Variants in ZNF609 observed in about 807,000 individuals in gnomAD.
ZNF609 encodes the protein zinc finger protein 609.
ZNF609 carries 11 observed loss-of-function variants against 109.5 expected under a neutral mutation model. The ratio of observed to expected loss-of-function variants is 0.10; its 90% CI spans 0.06 to 0.17. The LOEUF (loss-of-function observed/expected upper bound fraction) is 0.17, where lower values mean the gene tolerates loss of function less well. Ranked by LOEUF, ZNF609 falls within the 10% of genes least tolerant of loss-of-function variation. The probability of loss-of-function intolerance (pLI) is 1.00; values close to 1 mark genes in which losing one functional copy is unlikely to be tolerated. For missense variants in ZNF609, 1,559 were observed against 1,772.4 expected (o/e 0.88, Z 2.16); for synonymous variants, 646 against 662.0 (o/e 0.98, Z 0.37).
intron 3 of ZNF609, among the ~76,000 whole-genome samples, chr15:64,641,219 C>CTTTTTTTTTTTT (rs34007985): frequency 0.15 from 10,164 of 69,326 alleles, 1,142 homozygotes; most frequent in East Asian, 0.2. Context: ...CTTGTGCTTT[C>CTTTTTTTTTTTT]TTTTTTTTTT....
At chr15:64,621,192 G>A (rs567996177) in intron 2 of ZNF609, among the ~76,000 whole-genome samples, 6 of 152,232 alleles carry the variant, frequency 3.9e-5, no homozygotes, top group South Asian at 4.2e-4. Flanking sequence ...CTTAATCTTC[G>A]GAGGAAATAA....
At chr15:64,485,855 G>A (rs1327874427) in intron 1 of ZNF609, among the ~76,000 whole-genome samples, 2 of 152,152 alleles carry the variant, frequency 1.3e-5, no homozygotes, top group Non-Finnish European at 2.9e-5. Context: ...GTTTCCTCCA[G>A]TGGTAACATC....
chr15:64,609,856 C>T (rs1226039033), intron 2 of ZNF609, among the ~76,000 whole-genome samples: 8 of 150,980 alleles, frequency 5.3e-5, no homozygotes, highest in East Asian at 2.0e-4. Flanking sequence ...GGTAAAACCT[C>T]GTCTCTACTA....
intron 1 of ZNF609, among the ~76,000 whole-genome samples, chr15:64,484,155 A>C (rs530363307): frequency 3.9e-5 from 6 of 151,978 alleles, no homozygotes; most frequent in African/African-American, 1.4e-4. Context: ...TTGACATTTT[A>C]ATAAATGTTT....
chr15:64,633,105 T>G (rs537427351), intron 3 of ZNF609, among the ~76,000 whole-genome samples: 114 of 145,564 alleles, frequency 7.8e-4, no homozygotes, highest in Middle Eastern at 3.6e-3. Flanking sequence ...TATTGTTTTG[T>G]TTTTTTTTTT....
At chr15:64,546,685 G>A (rs557323082) in intron 2 of ZNF609, among the ~76,000 whole-genome samples, 97 of 151,714 alleles carry the variant, frequency 6.4e-4, no homozygotes, top group African/African-American at 2.3e-3. Context: ...CATTGCCTAA[G>A]CTGTTCTTGA....
chr15:64,580,042 GC>G (rs2073370429), intron 2 of ZNF609, among the ~76,000 whole-genome samples: 1 of 152,166 alleles, frequency 6.6e-6, no homozygotes, highest in African/African-American at 2.4e-5. Context: ...GGGGGGATTA[GC>G]TTAGATTATC....
chr15:64,675,157 T>C lies in ZNF609; in HGVS notation c.2303T>C (p.Met768Thr), dbSNP rs558567510. 1.5e-5 allele frequency: 25 copies of C among 1,613,958 alleles called. No homozygotes were observed. In the African/African-American group the frequency reaches 3.1e-4, roughly 20 times the overall value. The change falls in exon 5 of 10, where the codon ATG (methionine) becomes ACG (threonine). Residue 768 changes from methionine to threonine, a missense_variant. Met to Thr is a moderately conservative substitution (Grantham distance 81, BLOSUM62 -1). Around this residue, in one of 4 missense-constraint regions of ZNF609, gnomAD observed 1,204 missense variants for 1,314.1 expected, o/e 0.92. Coordinates refer to ENST00000326648, the MANE Select transcript of ZNF609 (RefSeq NM_015042.2). ...TTCAGGGAATCTTCAGGAGATGGGA[T>C]GAAAATGGAGGGGCTCCTAAATGGC... is the stretch of plus-strand genomic sequence containing the variant. ...SPFRESSGDGMKMEGLLNGSS... is the reference protein window; with the variant it reads ...SPFRESSGDGTKMEGLLNGSS...
intron 3 of ZNF609, among the ~76,000 whole-genome samples, chr15:64,640,590 C>T (rs1896239818): frequency 6.6e-6 from 1 of 152,196 alleles, no homozygotes; most frequent in Admixed American, 6.5e-5. Context: ...TATCCTAGTT[C>T]CTTCTGCTAG....
chr15:64,597,110 C>T (rs1020697046), intron 2 of ZNF609, among the ~76,000 whole-genome samples: 1 of 152,070 alleles, frequency 6.6e-6, no homozygotes, highest in East Asian at 1.9e-4. Flanking sequence ...GCCCTGAGCA[C>T]AGGGGAGGAA....
intron 2 of ZNF609, among the ~76,000 whole-genome samples, chr15:64,558,379 G>T (rs995665558): frequency 2.0e-5 from 3 of 152,088 alleles, no homozygotes; most frequent in Admixed American, 6.6e-5. Context: ...TCTATACAAT[G>T]TGAATAATAG....
chr15:64,485,895 A>G (rs1331839293), intron 1 of ZNF609, among the ~76,000 whole-genome samples: 1 of 152,232 alleles, frequency 6.6e-6, no homozygotes, highest in Non-Finnish European at 1.5e-5. Context: ...TAATTTTGAC[A>G]TTGATATAAG....
At position 64,624,111 on chromosome 15, in the gene ZNF609, A is replaced by G. The variant is rs190215820; in HGVS notation, c.973+1059A>G. 2.6e-4 allele frequency among the ~76,000 whole-genome samples: 39 copies of G among 152,330 alleles called. No individual in the cohort carries two copies. In the East Asian group the frequency reaches 7.3e-3, roughly 29 times the overall value. ...ATTTATTTAAAGTTTACCGTGCAAT[A>G]GGTGCTGATGTGTTACAGGTTAAGA... On this transcript the variant is annotated intron_variant, in intron 3 of 9. Coordinates refer to ENST00000326648, the MANE Select transcript of ZNF609 (RefSeq NM_015042.2).
chr15:64,652,233 A>G (rs1197637999), intron 3 of ZNF609, among the ~76,000 whole-genome samples: 2 of 152,070 alleles, frequency 1.3e-5, no homozygotes, highest in Non-Finnish European at 1.5e-5. Context: ...TATGTTGGCC[A>G]GGCTGGTCTC....
chr15:64,675,923 G>C lies in ZNF609; in HGVS notation c.3069G>C (p.Lys1023Asn), dbSNP rs1896803341. ...SLEQQQRGVD[K>N]KAEMGLKERE... ...AGCAGCAGCAGCGGGGAGTGGACAAGAAGGCAGAGATGGGCCTGAAGGAGC... is the reference window on the plus strand; with the variant it reads ...AGCAGCAGCAGCGGGGAGTGGACAACAAGGCAGAGATGGGCCTGAAGGAGC... The change falls in exon 5 of 10, where the codon AAG (lysine) becomes AAC (asparagine). Residue 1023 changes from lysine to asparagine, a missense_variant. Lys to Asn is a moderately conservative substitution (Grantham distance 94). Transcript: ENST00000326648. 6.2e-7 allele frequency: 1 copy of C among 1,614,108 alleles called. No individual in the cohort carries two copies. The highest frequency in any genetic ancestry group is 8.5e-7 in the Non-Finnish European group (1 of 1,180,062).
intron 2 of ZNF609, among the ~76,000 whole-genome samples, chr15:64,589,580 A>T (rs545101582): frequency 5.9e-5 from 9 of 152,310 alleles, no homozygotes; most frequent in Non-Finnish European, 1.2e-4. Flanking sequence ...GCTCTATTTA[A>T]AGCCAAGATG....
intron 3 of ZNF609, chr15:64,631,299 T>G (rs1896071924): frequency 7.4e-6 from 5 of 672,514 alleles, no homozygotes. Flanking sequence ...TTTTAGAGAG[T>G]GAGTGCTTAA....
chr15:64,526,596 A>G (rs945755600), intron 2 of ZNF609, among the ~76,000 whole-genome samples: 12 of 152,064 alleles, frequency 7.9e-5, no homozygotes, highest in Non-Finnish European at 1.3e-4. Context: ...TTTTTTATAG[A>G]TGACTTCTAT....
Position 64,655,634 on chromosome 15 carries a change from C to G in ZNF609, c.974-14712C>G, listed in dbSNP as rs569708929. Among the ~76,000 whole-genome samples the G allele has an allele frequency of 4.6e-5, 7 of 151,932 alleles. No homozygotes were observed. In the South Asian group the frequency reaches 1.3e-3, roughly 27 times the overall value. On this transcript the variant is annotated intron_variant, in intron 3 of 9. Transcript: ENST00000326648. ...CTAAGGTCAGGAGTTGGAGACCAGC[C>G]TGGCCAACATGGTGAAACCTCATCT... is the stretch of plus-strand genomic sequence containing the variant.
Sources: gnomAD v4.1 joint callset for allele counts (sites outside exome capture counted in the v4.1 genomes callset) on GRCh38, gnomAD v4.1.1 for gene constraint, gnomAD v4.1.1 regional missense constraint, MANE v1.5 for transcripts, NCBI Gene and HGNC (gene_info 2026-07-23, HGNC 2026-07-21) for gene names.